Variants in FSHR observed in about 807,000 individuals in gnomAD.
The protein encoded by FSHR is follicle-stimulating hormone receptor.
Under a neutral mutation model 52.1 loss-of-function variants are expected in FSHR, and 46 were observed. The observed-to-expected ratio is 0.88, with a 90% CI of 0.70 to 1.13. FSHR has a LOEUF of 1.13. Among genes scored for constraint, FSHR ranks in the 50% most tolerant of loss-of-function variants. The pLI is 0.00. For missense variants in FSHR, 964 were observed against 834.6 expected (o/e 1.16, Z -1.91); for synonymous variants, 399 against 309.6 (o/e 1.29, Z -3.03).
At chr2:49,095,622 T>C (rs576673485) in intron 1 of FSHR, among the ~76,000 whole-genome samples, 1 of 152,236 alleles carries the variant, frequency 6.6e-6, no homozygotes, top group Admixed American at 6.5e-5. Context: ...AGTAGATACA[T>C]TGGACTTAAT....
intron 2 of FSHR, among the ~76,000 whole-genome samples, chr2:49,058,476 G>T (rs1321569250): frequency 2.5e-4 from 38 of 152,122 alleles, no homozygotes; most frequent in Admixed American, 2.4e-3. Context: ...GAACCGGGAG[G>T]CAGAGGTTGC....
chr2:49,140,686 AGAGT>A (rs1672653265), intron 1 of FSHR, among the ~76,000 whole-genome samples: 1 of 151,930 alleles, frequency 6.6e-6, no homozygotes, highest in Non-Finnish European at 1.5e-5. Flanking sequence ...CCTGGGCGAC[AGAGT>A]GAGACTCCAT....
chr2:49,007,584 G>A (rs1279274634), intron 4 of FSHR, among the ~76,000 whole-genome samples: 1 of 152,098 alleles, frequency 6.6e-6, no homozygotes, highest in South Asian at 2.1e-4. Context: ...TTTTGGATAT[G>A]TCAGGGGTTC....
chr2:49,068,427 C>A, intron 1 of FSHR, 137 bp from the exon 2 acceptor site: 2 of 733,580 alleles, frequency 2.7e-6, no homozygotes, highest in Non-Finnish European at 4.8e-6. Flanking sequence ...CTTTTACATT[C>A]TCTCTTTTCA....
At chr2:48,964,653 G>T (rs1379854932) in intron 9 of FSHR, among the ~76,000 whole-genome samples, 2 of 152,108 alleles carry the variant, frequency 1.3e-5, no homozygotes, top group Admixed American at 6.6e-5. Context: ...CCTAGTGAGT[G>T]CCCCAAAGAA....
intron 1 of FSHR, among the ~76,000 whole-genome samples, chr2:49,106,003 T>A (rs1487338286): frequency 1.3e-5 from 2 of 152,178 alleles, no homozygotes; most frequent in Admixed American, 1.3e-4. Context: ...AGTTTTCTCC[T>A]CTGTAAAATG....
intron 8 of FSHR, among the ~76,000 whole-genome samples, chr2:48,972,921 A>T (rs1674808485): frequency 6.6e-6 from 1 of 152,196 alleles, no homozygotes; most frequent in African/African-American, 2.4e-5. Flanking sequence ...TACTCCATGG[A>T]ATATCATCCC....
intron 8 of FSHR, among the ~76,000 whole-genome samples, chr2:48,970,452 C>T (rs141095540): frequency 2.0e-4 from 30 of 152,246 alleles, no homozygotes; most frequent in South Asian, 4.2e-4. Context: ...TCTTTCTTGG[C>T]GTCATATTCT....
intron 2 of FSHR, among the ~76,000 whole-genome samples, chr2:49,045,327 C>T (rs893985740): frequency 6.6e-6 from 1 of 152,076 alleles, no homozygotes; most frequent in African/African-American, 2.4e-5. Context: ...TAGGTCCACC[C>T]AGACCTACTC....
intron 2 of FSHR, among the ~76,000 whole-genome samples, chr2:49,031,817 T>C (rs1383602151): frequency 6.6e-6 from 1 of 152,238 alleles, no homozygotes; most frequent in African/African-American, 2.4e-5. Flanking sequence ...TTTACTTCTA[T>C]AAAACTTTGT....
At chr2:49,041,271 A>G (rs922686003) in intron 2 of FSHR, among the ~76,000 whole-genome samples, 2 of 152,080 alleles carry the variant, frequency 1.3e-5, no homozygotes. Context: ...CTCATTTGTG[A>G]TGAGTATGGA....
At chr2:49,143,888 A>G (rs2103844290) in intron 1 of FSHR, among the ~76,000 whole-genome samples, 1 of 152,222 alleles carries the variant, frequency 6.6e-6, no homozygotes, top group South Asian at 2.1e-4. Flanking sequence ...TGGTATCTCT[A>G]GGAGTGGGGC....
intron 2 of FSHR, among the ~76,000 whole-genome samples, chr2:49,043,529 C>T (rs1668550674): frequency 6.6e-6 from 1 of 152,136 alleles, no homozygotes; most frequent in South Asian, 2.1e-4. Context: ...AATGGCTCTC[C>T]TAAGTCAATG....
chr2:49,053,008 T>C (rs953581078), intron 2 of FSHR, among the ~76,000 whole-genome samples: 1 of 152,208 alleles, frequency 6.6e-6, no homozygotes, highest in African/African-American at 2.4e-5. Flanking sequence ...TAAATCTCTT[T>C]CTCTAAAAGT....
chr2:49,021,880 T>TAG (rs1354586601), intron 2 of FSHR, among the ~76,000 whole-genome samples: 13 of 51,300 alleles, frequency 2.5e-4, no homozygotes, highest in African/African-American at 4.9e-4. Context: ...TATATATATA[T>TAG]ATATATAGAG....
intron 2 of FSHR, among the ~76,000 whole-genome samples, chr2:49,023,519 T>G (rs570200375): frequency 6.6e-6 from 1 of 152,278 alleles, no homozygotes; most frequent in African/African-American, 2.4e-5. Context: ...TGTCTATGAC[T>G]TAGGATTTTG....
At chr2:49,021,038 A>C (rs1053624754) in intron 2 of FSHR, among the ~76,000 whole-genome samples, 1 of 152,168 alleles carries the variant, frequency 6.6e-6, no homozygotes, top group Non-Finnish European at 1.5e-5. Flanking sequence ...AACCACCATG[A>C]CACACATTTA....
At chr2:48,993,673 T>C (rs946759963) in intron 4 of FSHR, among the ~76,000 whole-genome samples, 2 of 152,206 alleles carry the variant, frequency 1.3e-5, no homozygotes, top group Non-Finnish European at 2.9e-5. Flanking sequence ...GTAAAATTTA[T>C]ACTTCTTACT....
chr2:49,127,813 TC>T lies in FSHR; in HGVS notation c.152+26452del, dbSNP rs1558456468. 2.6e-3 allele frequency among the ~76,000 whole-genome samples: 156 copies of T among 60,908 alleles called. 5 individuals carry two copies. In the Middle Eastern group the frequency reaches 0.027, roughly 10 times the overall value. The allele number at this position is 60,908 out of a possible 152,430, so 40.0% of individuals were successfully genotyped here. ...TTCTTCTTCTTCTTCTTCTTCTTCT[TC>T]TTCTTCTTCTTCTTCCTCTTCTTCT... is the stretch of plus-strand genomic sequence containing the variant. On this transcript the variant is annotated intron_variant, in intron 1 of 9. Coordinates refer to ENST00000406846, the MANE Select transcript of FSHR (RefSeq NM_000145.4).
Sources: allele counts gnomAD v4.1 joint callset (sites outside exome capture counted in the v4.1 genomes callset), GRCh38; gene constraint gnomAD v4.1.1; transcripts MANE v1.5; gene names NCBI Gene and HGNC (gene_info 2026-07-23, HGNC 2026-07-21).